The following MBNL1 variants were observed in gnomAD, a reference collection of about 807,000 sequenced individuals.
MBNL1 encodes the protein muscleblind-like protein 1.
A neutral mutation model predicts 42.2 loss-of-function variants in MBNL1; 8 were observed. That is an observed-to-expected ratio of 0.19 (90% CI 0.11 to 0.34). MBNL1 has a LOEUF of 0.34. Ranked by LOEUF, MBNL1 falls within the 10% of genes least tolerant of loss-of-function variation. The pLI is 1.00. For missense variants in MBNL1, 309 were observed against 495.3 expected, an observed-to-expected ratio of 0.62 and a Z score of 3.57; for synonymous variants, 169 against 173.9, an observed-to-expected ratio of 0.97 and a Z score of 0.22.
At chr3:152,269,912 C>CT (rs1425135094) in intron 1 of MBNL1, 8 of 143,204 alleles carry the variant, frequency 5.6e-5, no homozygotes, top group Admixed American at 2.8e-4. Context: ...TAGCCACCCC[C>CT]CAACTTTTTT....
At chr3:152,281,347 C>T (rs2048362433) in intron 1 of MBNL1, among the ~76,000 whole-genome samples, 1 of 152,010 alleles carries the variant, frequency 6.6e-6, no homozygotes, top group Admixed American at 6.6e-5. Flanking sequence ...CACACAAATA[C>T]TCATTGCATG....
chr3:152,274,899 A>G (rs1340703956), intron 1 of MBNL1, among the ~76,000 whole-genome samples: 1 of 152,170 alleles, frequency 6.6e-6, no homozygotes, highest in Non-Finnish European at 1.5e-5. Context: ...TGCTTGTGCT[A>G]TGCTAAATAT....
intron 2 of MBNL1, among the ~76,000 whole-genome samples, chr3:152,252,130 A>ACCTT (rs1284365010): frequency 3.7e-5 from 4 of 107,784 alleles, no homozygotes; most frequent in Admixed American, 9.8e-5. Context: ...GAACAAACTA[A>ACCTT]CCTACCTTCC....
intron 2 of MBNL1, among the ~76,000 whole-genome samples, chr3:152,322,188 G>GA (rs1331502516): frequency 6.6e-6 from 1 of 152,002 alleles, no homozygotes; most frequent in Non-Finnish European, 1.5e-5. Context: ...TCCCTGTCTG[G>GA]AAGCTTTATA....
chr3:152,456,884 G>C (rs890405117), intron 8 of MBNL1, among the ~76,000 whole-genome samples: 1 of 152,048 alleles, frequency 6.6e-6, no homozygotes, highest in African/African-American at 2.4e-5. Context: ...TAAATTGTTT[G>C]CATGTAGCAT....
At chr3:152,313,870 G>T (rs1323465386) in intron 2 of MBNL1, among the ~76,000 whole-genome samples, 1 of 152,102 alleles carries the variant, frequency 6.6e-6, no homozygotes, top group East Asian at 1.9e-4. Context: ...GGTATTAATG[G>T]AATAATTCAG....
intron 2 of MBNL1, among the ~76,000 whole-genome samples, chr3:152,249,537 G>A (rs1240110253): frequency 2.4e-5 from 3 of 126,276 alleles, no homozygotes; most frequent in Non-Finnish European, 3.5e-5. Flanking sequence ...CAGATGAGTA[G>A]GTTGCGAAAA....
intron 2 of MBNL1, chr3:152,339,740 T>A (rs1197780851): frequency 6.6e-6 from 1 of 152,194 alleles, no homozygotes; most frequent in African/African-American, 2.4e-5. Flanking sequence ...AAGGAAAATG[T>A]TTACTCATAG....
intron 2 of MBNL1, among the ~76,000 whole-genome samples, chr3:152,406,509 T>TC (rs1203386396): frequency 1.3e-5 from 2 of 152,198 alleles, no homozygotes; most frequent in Non-Finnish European, 2.9e-5. Flanking sequence ...GTTGCCTTTT[T>TC]CCCTTTCTCA....
intron 2 of MBNL1, among the ~76,000 whole-genome samples, chr3:152,313,037 T>C (rs1006484113): frequency 9.9e-5 from 15 of 152,000 alleles, no homozygotes; most frequent in African/African-American, 3.6e-4. Context: ...TTTTTTTTTT[T>C]TTTGAGACGG....
At chr3:152,262,296 C>A (rs1454426512) in intron 2 of MBNL1, among the ~76,000 whole-genome samples, 6 of 152,142 alleles carry the variant, frequency 3.9e-5, no homozygotes, top group Non-Finnish European at 5.9e-5. Flanking sequence ...ATATGAAACT[C>A]CCACCATTTA....
intron 2 of MBNL1, among the ~76,000 whole-genome samples, chr3:152,257,561 G>C (rs1267250040): frequency 1.3e-5 from 2 of 151,798 alleles, no homozygotes; most frequent in East Asian, 1.9e-4. Context: ...CATAATTTTA[G>C]TGGCCCAAGC....
intron 2 of MBNL1, among the ~76,000 whole-genome samples, chr3:152,370,133 G>A (rs2153229167): frequency 6.6e-6 from 1 of 152,234 alleles, no homozygotes; most frequent in African/African-American, 2.4e-5. Context: ...GCTTTCTCCT[G>A]TGAGCGCTTA....
At chr3:152,433,745 G>C (rs1192142161) in intron 4 of MBNL1, among the ~76,000 whole-genome samples, 1 of 118,886 alleles carries the variant, frequency 8.4e-6, no homozygotes. Context: ...GCGAGACTCC[G>C]TCTCAAAAAA....
chr3:152,403,743 T>C (rs1274295092), intron 2 of MBNL1, among the ~76,000 whole-genome samples: 1 of 152,180 alleles, frequency 6.6e-6, no homozygotes, highest in Non-Finnish European at 1.5e-5. Context: ...TCTTTACCCT[T>C]ACTGCTTATG....
intron 2 of MBNL1, chr3:152,335,049 G>GCTT: frequency 8.1e-7 from 1 of 1,234,076 alleles, no homozygotes; most frequent in Non-Finnish European, 1.0e-6. Context: ...TGCTGCTGCT[G>GCTT]CTAATATTGC....
intron 2 of MBNL1, among the ~76,000 whole-genome samples, chr3:152,254,332 T>C (rs1421542604): frequency 6.6e-6 from 1 of 152,166 alleles, no homozygotes; most frequent in Non-Finnish European, 1.5e-5. Context: ...TGCCACTAAC[T>C]TTTTAGAATC....
intron 2 of MBNL1, among the ~76,000 whole-genome samples, chr3:152,405,749 T>C (rs906549036): frequency 6.6e-6 from 1 of 152,160 alleles, no homozygotes; most frequent in Non-Finnish European, 1.5e-5. Context: ...GGTACAATGA[T>C]AAATTGGATA....
At chr3:152,268,562 C>G (rs1220236189), upstream of MBNL1, 5 of 348,756 alleles carry the variant, frequency 1.4e-5, no homozygotes, top group Non-Finnish European at 2.9e-5. Flanking sequence ...GGGAGGGCGT[C>G]CGGTCTGCAC....
Sources: allele counts gnomAD v4.1 joint callset (sites outside exome capture counted in the v4.1 genomes callset), GRCh38; gene constraint gnomAD v4.1.1; transcripts MANE v1.5; gene names NCBI Gene and HGNC (gene_info 2026-07-23, HGNC 2026-07-21).